Variants in HS3ST5 observed in about 807,000 individuals in gnomAD.
HS3ST5 encodes heparan sulfate glucosamine 3-O-sulfotransferase 5.
A neutral mutation model predicts 25.4 loss-of-function variants in HS3ST5; 10 were observed. That is an observed-to-expected ratio of 0.39 (90% CI 0.24 to 0.67). The LOEUF (loss-of-function observed/expected upper bound fraction) is 0.67, where lower values mean the gene tolerates loss of function less well. Among genes scored for constraint, HS3ST5 ranks in the 30% least tolerant of loss-of-function variants. The pLI is 0.44. For synonymous variants in HS3ST5, 170 were observed against 162.4 expected, an observed-to-expected ratio of 1.05 and a Z score of -0.36; for missense variants, 324 against 420.7, an observed-to-expected ratio of 0.77 and a Z score of 2.01.
intron 3 of HS3ST5, among the ~76,000 whole-genome samples, chr6:114,139,775 C>T (rs549318115): frequency 1.3e-5 from 2 of 152,264 alleles, no homozygotes; most frequent in South Asian, 4.1e-4. Flanking sequence ...TGTTGGGAGT[C>T]AAGAGACCAC....
At chr6:114,263,413 AAAAC>A (rs1773264553) in intron 1 of HS3ST5, among the ~76,000 whole-genome samples, 1 of 152,186 alleles carries the variant, frequency 6.6e-6, no homozygotes, top group Non-Finnish European at 1.5e-5. Flanking sequence ...TTAAAATAAA[AAAAC>A]AAAACCCTTG....
At chr6:114,293,135 A>T (rs1442505137) in intron 1 of HS3ST5, among the ~76,000 whole-genome samples, 1 of 152,084 alleles carries the variant, frequency 6.6e-6, no homozygotes, top group Non-Finnish European at 1.5e-5. Context: ...AGAGTAAGCC[A>T]TGGGATAGAG....
chr6:114,083,542 TCAAA>T (rs68103507), intron 3 of HS3ST5, among the ~76,000 whole-genome samples: 21,310 of 152,092 alleles, frequency 0.14, 1,510 homozygotes, highest in Middle Eastern at 0.21. Context: ...GATTTACATC[TCAAA>T]CAGGCAGTTT....
At chr6:114,272,884 G>C (rs2114706704) in intron 1 of HS3ST5, among the ~76,000 whole-genome samples, 1 of 152,220 alleles carries the variant, frequency 6.6e-6, no homozygotes, top group East Asian at 1.9e-4. Flanking sequence ...TGTCTGACTA[G>C]AGTGGAGTGA....
At chr6:114,328,261 A>AGAAG (rs926841466) in intron 1 of HS3ST5, among the ~76,000 whole-genome samples, 5 of 147,210 alleles carry the variant, frequency 3.4e-5, no homozygotes, top group Admixed American at 6.7e-5. Flanking sequence ...AAGGAAGGAA[A>AGAAG]GAAGGAAGGA....
At chr6:114,174,776 C>T (rs1026125132) in intron 2 of HS3ST5, among the ~76,000 whole-genome samples, 7 of 152,008 alleles carry the variant, frequency 4.6e-5, no homozygotes, top group Admixed American at 1.3e-4. Flanking sequence ...AGGCAGATCA[C>T]GAGGTCAAGA....
chr6:114,226,789 A>G (rs1488308122), intron 2 of HS3ST5, among the ~76,000 whole-genome samples: 1 of 152,040 alleles, frequency 6.6e-6, no homozygotes, highest in East Asian at 1.9e-4. Context: ...ACTTAAAAAC[A>G]TAGTCTGATA....
intron 2 of HS3ST5, among the ~76,000 whole-genome samples, chr6:114,219,809 T>A (rs902861379): frequency 2.6e-5 from 4 of 152,180 alleles, no homozygotes; most frequent in Non-Finnish European, 5.9e-5. Context: ...GTACCATGTG[T>A]ACTGGAACAG....
intron 1 of HS3ST5, among the ~76,000 whole-genome samples, chr6:114,304,022 C>T (rs1367510653): frequency 6.6e-6 from 1 of 152,056 alleles, no homozygotes; most frequent in African/African-American, 2.4e-5. Flanking sequence ...TTCAGGACTT[C>T]CCCATTGCTT....
chr6:114,252,898 A>G (rs944271803), intron 1 of HS3ST5, among the ~76,000 whole-genome samples: 19 of 151,780 alleles, frequency 1.3e-4, no homozygotes, highest in Non-Finnish European at 2.5e-4. Context: ...TTTTTTTTTA[A>G]GTTAAAAGAA....
intron 3 of HS3ST5, among the ~76,000 whole-genome samples, chr6:114,143,304 A>G (rs1010128422): frequency 2.6e-5 from 4 of 152,226 alleles, no homozygotes; most frequent in African/African-American, 7.2e-5. Context: ...CTGGCACATA[A>G]TAAGTACTGC....
Position 114,056,483 on chromosome 6 carries a change from AT to A in HS3ST5, c.*773del, listed in dbSNP as rs1270197634. On this transcript the variant is annotated 3_prime_UTR_variant, in exon 5 of 5. Coordinates refer to ENST00000312719, the MANE Select transcript of HS3ST5 (RefSeq NM_153612.4). ...ACATAGAGTAATTTTAATCCATTCC[AT>A]TTTTAAATACCACAATAAATTTAAT... is the stretch of plus-strand genomic sequence containing the variant. 3 of 152,092 alleles carry A rather than the reference AT, an allele frequency of 2.0e-5. No individual in the cohort carries two copies. Among genetic ancestry groups the A allele is most frequent in the Admixed American group, 6.6e-5 (1 of 15,256 alleles). The allele number at this position is 152,092 out of a possible 1,614,324, so 9.4% of individuals were successfully genotyped here. A position where few individuals can be genotyped will look rare whatever the true frequency, so the allele number is the denominator to read the frequency against.
chr6:114,325,941 T>C (rs113223876), intron 1 of HS3ST5, among the ~76,000 whole-genome samples: 2,201 of 152,336 alleles, frequency 0.014, 26 homozygotes, highest in Middle Eastern at 0.027. Context: ...ATGCTTAGGC[T>C]ATGTTGGTGA....
chr6:114,333,658 T>C (rs928125224), intron 1 of HS3ST5, among the ~76,000 whole-genome samples: 1 of 152,044 alleles, frequency 6.6e-6, no homozygotes, highest in Non-Finnish European at 1.5e-5. Context: ...TTTAAAATTT[T>C]TTTTTGATAC....
chr6:114,179,015 T>C (rs1252381443), intron 2 of HS3ST5: 1 of 152,212 alleles, frequency 6.6e-6, no homozygotes, highest in Non-Finnish European at 1.5e-5. Context: ...TTGTCTCTTT[T>C]TCCATATAGG....
chr6:114,177,613 AAAC>A (rs1367842337), intron 2 of HS3ST5, among the ~76,000 whole-genome samples: 1 of 152,210 alleles, frequency 6.6e-6, no homozygotes, highest in Non-Finnish European at 1.5e-5. Flanking sequence ...ACAAGAATAA[AAAC>A]AAACACTGAG....
At chr6:114,081,402 C>T (rs932706253) in intron 3 of HS3ST5, among the ~76,000 whole-genome samples, 3 of 151,044 alleles carry the variant, frequency 2.0e-5, no homozygotes, top group African/African-American at 7.3e-5. Flanking sequence ...AAGTGAGGCA[C>T]AGTAAAACAA....
intron 3 of HS3ST5, among the ~76,000 whole-genome samples, chr6:114,106,554 C>T (rs892076593): frequency 6.6e-6 from 1 of 152,020 alleles, no homozygotes; most frequent in African/African-American, 2.4e-5. Context: ...AACTTTTATG[C>T]AGTACATGAA....
intron 1 of HS3ST5, among the ~76,000 whole-genome samples, chr6:114,310,153 T>C (rs1172921518): frequency 1.3e-5 from 2 of 152,192 alleles, no homozygotes; most frequent in East Asian, 3.9e-4. Context: ...GACTTAGATT[T>C]AAATCCAAAC....
Sources: allele counts gnomAD v4.1 joint callset (sites outside exome capture counted in the v4.1 genomes callset), GRCh38; gene constraint gnomAD v4.1.1; transcripts MANE v1.5; gene names NCBI Gene and HGNC (gene_info 2026-07-23, HGNC 2026-07-21).